Variants in RANBP2 observed in about 807,000 individuals in gnomAD.
The protein encoded by RANBP2 is E3 SUMO-protein ligase RanBP2.
In RANBP2, 57 loss-of-function variants were observed where a neutral mutation model predicts 303.6. That is an observed-to-expected ratio of 0.19 (90% CI 0.15 to 0.23). The LOEUF is 0.23. RANBP2 is among the 10% of genes least tolerant of loss of function. The pLI is 1.00. For synonymous variants in RANBP2, 1,167 were observed against 1,301.5 expected (o/e 0.90, Z 2.23); for missense variants, 3,138 against 3,780.8 (o/e 0.83, Z 4.46).
intron 1 of RANBP2, among the ~76,000 whole-genome samples, chr2:108,728,598 GATGAT>G (rs2149095475): frequency 7.1e-5 from 1 of 14,074 alleles, no homozygotes; most frequent in South Asian, 2.5e-3. Context: ...GCTTATTTAT[GATGAT>G]GATGATGATG....
At chr2:109,574,546 A>G in the RANBP2 span, 5 of 1,306,994 alleles carry the variant, frequency 3.8e-6, no homozygotes, top group Admixed American at 2.8e-5. Flanking sequence ...AATAAATATT[A>G]AAGTATGGTA....
chr2:109,480,028 A>G, the RANBP2 span, among the ~76,000 whole-genome samples: 1 of 152,094 alleles, frequency 6.6e-6, no homozygotes, highest in Admixed American at 6.5e-5. Context: ...AGTGGTTTCA[A>G]CCCTGCTGTG....
At chr2:109,657,690 G>T in the RANBP2 span, among the ~76,000 whole-genome samples, 1 of 149,580 alleles carries the variant, frequency 6.7e-6, no homozygotes, top group Non-Finnish European at 1.5e-5. Flanking sequence ...CCGATGGAAA[G>T]CTCCACAGGC....
the RANBP2 span, among the ~76,000 whole-genome samples, chr2:109,399,132 G>A: frequency 6.6e-6 from 1 of 152,096 alleles, no homozygotes; most frequent in Non-Finnish European, 1.5e-5. Flanking sequence ...AATGGTGAGT[G>A]TGCCCTCCCT....
chr2:108,780,760 A>G (rs1381193321), intron 25 of RANBP2, among the ~76,000 whole-genome samples: 1 of 149,642 alleles, frequency 6.7e-6, no homozygotes, highest in African/African-American at 2.5e-5. Context: ...CCCAGGCTGG[A>G]GTGCAATGGT....
chr2:108,934,248 G>T, the RANBP2 span, among the ~76,000 whole-genome samples: 1 of 152,194 alleles, frequency 6.6e-6, no homozygotes, highest in East Asian at 1.9e-4. Flanking sequence ...GGGTCTGGGG[G>T]AGGGGAGCAC....
the RANBP2 span, among the ~76,000 whole-genome samples, chr2:109,289,558 A>G: frequency 2.6e-5 from 4 of 152,168 alleles, no homozygotes; most frequent in East Asian, 5.8e-4. Context: ...TATGGGGACC[A>G]TGGTGTAGCA....
the RANBP2 span, chr2:109,732,825 G>T: frequency 7.8e-7 from 1 of 1,283,740 alleles, no homozygotes. Context: ...TGGGTTGCTA[G>T]AAACCCTCCT....
the RANBP2 span, among the ~76,000 whole-genome samples, chr2:109,418,511 A>G: frequency 6.6e-6 from 1 of 152,060 alleles, no homozygotes; most frequent in African/African-American, 2.4e-5. Context: ...TTGTGGATGC[A>G]TCACTCCTGT....
At chr2:109,081,314 C>G in the RANBP2 span, among the ~76,000 whole-genome samples, 1 of 152,176 alleles carries the variant, frequency 6.6e-6, no homozygotes, top group Admixed American at 6.5e-5. Context: ...AAGGCCACAT[C>G]TGATATTTGG....
the RANBP2 span, among the ~76,000 whole-genome samples, chr2:109,135,462 T>C: frequency 6.6e-6 from 1 of 152,202 alleles, no homozygotes; most frequent in African/African-American, 2.4e-5. Flanking sequence ...ATCTGCTTCT[T>C]AGATAAATAG....
At chr2:109,026,642 G>GC in the RANBP2 span, among the ~76,000 whole-genome samples, 2 of 152,140 alleles carry the variant, frequency 1.3e-5, no homozygotes, top group East Asian at 3.9e-4. Context: ...CCCAGACTGT[G>GC]CCCCTCACAT....
chr2:109,214,729 C>T, the RANBP2 span, among the ~76,000 whole-genome samples: 1 of 152,222 alleles, frequency 6.6e-6, no homozygotes, highest in African/African-American at 2.4e-5. Context: ...CCAGCTGCAA[C>T]TCTGGTGACA....
At chr2:109,622,532 T>A in the RANBP2 span, among the ~76,000 whole-genome samples, 1 of 152,144 alleles carries the variant, frequency 6.6e-6, no homozygotes, top group African/African-American at 2.4e-5. Flanking sequence ...TTTTTAGGGG[T>A]TTGCATTTTC....
the RANBP2 span, among the ~76,000 whole-genome samples, chr2:109,040,916 C>T: frequency 1.3e-5 from 2 of 152,022 alleles, no homozygotes; most frequent in African/African-American, 2.4e-5. Context: ...ATTAGCCAGG[C>T]GTGGTGGTGG....
the RANBP2 span, among the ~76,000 whole-genome samples, chr2:109,358,321 C>G: frequency 6.6e-6 from 1 of 152,282 alleles, no homozygotes; most frequent in African/African-American, 2.4e-5. Context: ...TTGGTTACTT[C>G]CATGTTTGGG....
chr2:109,247,768 A>AT, the RANBP2 span, among the ~76,000 whole-genome samples: 1 of 152,336 alleles, frequency 6.6e-6, no homozygotes, highest in East Asian at 1.9e-4. Flanking sequence ...GAGGCTTAAA[A>AT]TAATACCTTT....
the RANBP2 span, among the ~76,000 whole-genome samples, chr2:109,341,057 A>G: frequency 6.6e-6 from 1 of 152,246 alleles, no homozygotes; most frequent in African/African-American, 2.4e-5. Flanking sequence ...TTGAAGGGCA[A>G]GTCGTGTTTT....
the RANBP2 span, among the ~76,000 whole-genome samples, chr2:109,141,913 G>A: frequency 0.13 from 19,617 of 152,016 alleles, 1,922 homozygotes; most frequent in African/African-American, 0.27. Flanking sequence ...CCTCCTGCAA[G>A]CTCTGCAGGT....
Sources: gnomAD v4.1 joint callset for allele counts (sites outside exome capture counted in the v4.1 genomes callset) on GRCh38, gnomAD v4.1.1 for gene constraint, MANE v1.5 for transcripts, NCBI Gene and HGNC (gene_info 2026-07-23, HGNC 2026-07-21) for gene names.